COMMD9: variants seen among roughly 807,000 people sequenced by gnomAD.
COMMD9 encodes COMM domain-containing protein 9.
Under a neutral mutation model 23.4 loss-of-function variants are expected in COMMD9, and 22 were observed. The ratio of observed to expected loss-of-function variants is 0.94; its 90% CI spans 0.67 to 1.34. The LOEUF (loss-of-function observed/expected upper bound fraction) is 1.34. Ranked by LOEUF, COMMD9 falls within the 40% of genes most tolerant of loss-of-function variation. The pLI, the probability that COMMD9 is intolerant of heterozygous loss-of-function variation, is 0.00. For missense variants in COMMD9, 231 were observed against 240.2 expected (o/e 0.96, Z 0.25); for synonymous variants, 99 against 97.4 (o/e 1.02, Z -0.10).
intron 1 of COMMD9, among the ~76,000 whole-genome samples, chr11:36,288,427 G>A (rs1387744441): frequency 6.6e-6 from 1 of 151,400 alleles, no homozygotes; most frequent in Non-Finnish European, 1.5e-5. Context: ...TTATGAGACA[G>A]ACGGACAACG....
rs902187120 is a variant in COMMD9, at chr11:36,272,649, TCATTTC to T, written c.*1977_*1982del. On this transcript the variant is annotated 3_prime_UTR_variant, in exon 6 of 6. Transcript: ENST00000263401. ...TCGTTGCATGCAAAAAATTGAATGT[TCATTTC>T]CTATAGCAGATAAAGAAGAGCTTGG... The T allele has an allele frequency of 2.0e-5, 3 of 152,248 alleles. No individual in the cohort carries two copies. The highest frequency in any genetic ancestry group is 7.2e-5 in the African/African-American group (3 of 41,466). The allele number at this position is 152,248 out of a possible 1,614,324, so 9.4% of individuals were successfully genotyped here. A position where few individuals can be genotyped will look rare whatever the true frequency, so the allele number is the denominator to read the frequency against.
chr11:36,275,988 C>T (rs1480045958), intron 5 of COMMD9, 149 bp downstream of exon 5: 2 of 618,958 alleles, frequency 3.2e-6, no homozygotes, highest in Non-Finnish European at 5.8e-6. Context: ...CAGTAGTACA[C>T]ATACACGTTG....
intron 2 of COMMD9, among the ~76,000 whole-genome samples, chr11:36,280,428 A>C (rs753936944): frequency 1.3e-5 from 2 of 152,210 alleles, no homozygotes; most frequent in Non-Finnish European, 2.9e-5. Context: ...GCCCTAAGCT[A>C]TCCAGCTAAC....
At chr11:36,277,524 C>G (rs1855994951) in intron 3 of COMMD9, among the ~76,000 whole-genome samples, 1 of 152,142 alleles carries the variant, frequency 6.6e-6, no homozygotes, top group South Asian at 2.1e-4. Context: ...CTGACTAATG[C>G]TACAACAAAC....
intron 1 of COMMD9, among the ~76,000 whole-genome samples, chr11:36,288,685 C>T (rs1856214358): frequency 6.6e-6 from 1 of 152,092 alleles, no homozygotes; most frequent in Admixed American, 6.5e-5. Context: ...CCTGTAATCC[C>T]AGCTACTCGG....
chr11:36,285,340 T>C (rs1435822023), intron 1 of COMMD9, among the ~76,000 whole-genome samples: 1 of 152,148 alleles, frequency 6.6e-6, no homozygotes, highest in Non-Finnish European at 1.5e-5. Context: ...GTCCTATGAC[T>C]ATTAAGAAAA....
intron 3 of COMMD9, 142 bp from the exon 4 acceptor site, chr11:36,277,265 C>T (rs1327223205): frequency 2.0e-6 from 1 of 492,346 alleles, no homozygotes; most frequent in African/African-American, 2.0e-5. Context: ...AAACCCCTCC[C>T]TCCAAGAAAG....
At position 36,272,728 on chromosome 11, in the gene COMMD9, G is replaced by GT. The variant is rs1554979398; in HGVS notation, c.*1903dup. The GT allele has an allele frequency of 6.6e-6, 1 of 152,206 alleles. No individual in the cohort carries two copies. The highest frequency in any genetic ancestry group is 6.5e-5 in the Admixed American group (1 of 15,278). 9.4% of individuals were successfully genotyped at this position (152,206 alleles called of 1,614,324 possible). A position where few individuals can be genotyped will look rare whatever the true frequency, so the allele number is the denominator to read the frequency against. ...CTCGTATCTCACTGGGTAGGCAGACGTAAGATCTCTCATCTCTACTTCAGT... is the reference window on the plus strand; with the variant it reads ...CTCGTATCTCACTGGGTAGGCAGACGTTAAGATCTCTCATCTCTACTTCAGT... On this transcript the variant is annotated 3_prime_UTR_variant, in exon 6 of 6. Transcript: ENST00000263401.
At chr11:36,278,269 GAA>G in intron 3 of COMMD9, 1 of 436,684 alleles carries the variant, frequency 2.3e-6, no homozygotes, top group African/African-American at 2.4e-5. Context: ...GTGTAAAGAG[GAA>G]AAAAAAAACA....
At chr11:36,282,220 A>C (rs1856078428) in intron 1 of COMMD9, among the ~76,000 whole-genome samples, 1 of 152,152 alleles carries the variant, frequency 6.6e-6, no homozygotes, top group Non-Finnish European at 1.5e-5. Flanking sequence ...GAAGAGGGCA[A>C]GACTGAAAGA....
At position 36,274,188 on chromosome 11, in the gene COMMD9, ACTG is replaced by A; in HGVS notation, c.*441_*443del. 1 of 447,184 alleles carries A rather than the reference ACTG, an allele frequency of 2.2e-6. No homozygotes were observed. The highest frequency in any genetic ancestry group is 4.5e-6 in the Non-Finnish European group (1 of 220,916). The allele number at this position is 447,184 out of a possible 1,614,324, so 27.7% of individuals were successfully genotyped here. A position where few individuals can be genotyped will look rare whatever the true frequency, so the allele number is the denominator to read the frequency against. The stretch of plus-strand genomic sequence containing the variant: ...TGGCTTCCCTGACAGAGGAGCAGGA[ACTG>A]CTGGCATCACCTGTCCGATTCCCTC... On this transcript the variant is annotated 3_prime_UTR_variant, in exon 6 of 6. Transcript: ENST00000263401.
chr11:36,277,555 A>C (rs532821813), intron 3 of COMMD9, among the ~76,000 whole-genome samples: 1 of 152,376 alleles, frequency 6.6e-6, no homozygotes, highest in African/African-American at 2.4e-5. Context: ...GTGATCATGT[A>C]TGAGAAAGTT....
chr11:36,287,644 C>T (rs941269943), intron 1 of COMMD9, among the ~76,000 whole-genome samples: 1 of 151,446 alleles, frequency 6.6e-6, no homozygotes, highest in Non-Finnish European at 1.5e-5. Context: ...GTACACAGGA[C>T]AGTAGCAATG....
chr11:36,287,152 T>C lies in COMMD9; in HGVS notation c.51+2210A>G, dbSNP rs554309332. On this transcript the variant is annotated intron_variant, in intron 1 of 5. Coordinates refer to ENST00000263401, the MANE Select transcript of COMMD9 (RefSeq NM_014186.4). ...TATGTATATCGCGTAGTATGTATAC[T>C]ACATACTATGTATATCGCGTAGTAT... Among the ~76,000 whole-genome samples the C allele has an allele frequency of 4.1e-3, 103 of 25,318 alleles. 5 individuals carry two copies. Among genetic ancestry groups the C allele is most frequent in the African/African-American group, 0.015 (91 of 6,200 alleles). 16.6% of individuals were successfully genotyped at this position (25,318 alleles called of 152,430 possible). A position where few individuals can be genotyped will look rare whatever the true frequency, so the allele number is the denominator to read the frequency against.
chr11:36,287,050 G>A (rs1243633349), intron 1 of COMMD9, among the ~76,000 whole-genome samples: 2 of 151,144 alleles, frequency 1.3e-5, no homozygotes, highest in Non-Finnish European at 3.0e-5. Context: ...TGCTATATAT[G>A]TATACTACAT....
In COMMD9 at chr11:36,273,941, A is replaced by T. The variant is rs942535730; in HGVS notation, c.*691T>A. Reference sequence around the variant, plus strand: ...CCAAAAGCTTCAACTTGGGGACAAAAGAAGCTACAAAAATCATGGAAGTTT... The same window carrying T: ...CCAAAAGCTTCAACTTGGGGACAAATGAAGCTACAAAAATCATGGAAGTTT... On this transcript the variant is annotated 3_prime_UTR_variant, in exon 6 of 6. Transcript: ENST00000263401. The T allele has an allele frequency of 1.1e-5, 2 of 177,410 alleles. No individual in the cohort carries two copies. The highest frequency in any genetic ancestry group is 2.4e-5 in the Non-Finnish European group (2 of 82,168). 11.0% of individuals were successfully genotyped at this position (177,410 alleles called of 1,614,324 possible). A position where few individuals can be genotyped will look rare whatever the true frequency, so the allele number is the denominator to read the frequency against.
Position 36,280,838 on chromosome 11 carries a change from C to G in COMMD9, c.52-1G>C. The G allele has an allele frequency of 6.4e-7, 1 of 1,557,098 alleles. No homozygotes were observed. The highest frequency in any genetic ancestry group is 8.7e-7 in the Non-Finnish European group (1 of 1,151,902). On this transcript the variant is annotated splice_acceptor_variant, in intron 1 of 5. Coordinates refer to ENST00000263401, the MANE Select transcript of COMMD9 (RefSeq NM_014186.4). LOFTEE classifies it high-confidence loss of function. ...GTCTGACAACATCTTTCGAGGAGGCCTATGAATTAAATCACAGATAGGAAA... is the reference window on the plus strand; with the variant it reads ...GTCTGACAACATCTTTCGAGGAGGCGTATGAATTAAATCACAGATAGGAAA...
chr11:36,274,828 T>G, intron 5 of COMMD9, 56 bp from the exon 6 acceptor site: 1 of 1,603,704 alleles, frequency 6.2e-7, no homozygotes, highest in Non-Finnish European at 8.5e-7. Context: ...CATATCCCTG[T>G]AAGTGAGCCC....
intron 1 of COMMD9, among the ~76,000 whole-genome samples, chr11:36,282,663 C>T (rs913130878): frequency 2.0e-5 from 3 of 152,284 alleles, no homozygotes; most frequent in Non-Finnish European, 4.4e-5. Flanking sequence ...ATTATCTAAA[C>T]AGATATGAAA....
Sources: gnomAD v4.1 joint callset for allele counts (sites outside exome capture counted in the v4.1 genomes callset) on GRCh38, gnomAD v4.1.1 for gene constraint, MANE v1.5 for transcripts, NCBI Gene and HGNC (gene_info 2026-07-23, HGNC 2026-07-21) for gene names.